The following ARRDC3 variants were observed in gnomAD, a reference collection of about 807,000 sequenced individuals.
The protein encoded by ARRDC3 is arrestin domain containing 3.
Under a neutral mutation model 47.2 loss-of-function variants are expected in ARRDC3, and 10 were observed. The observed-to-expected ratio is 0.21, with a 90% CI of 0.13 to 0.36. ARRDC3 has a LOEUF of 0.36. ARRDC3 is among the 10% of genes least tolerant of loss of function. The pLI is 1.00. For synonymous variants in ARRDC3, 156 were observed against 178.3 expected (o/e 0.87, Z 1.00); for missense variants, 381 against 503.6 (o/e 0.76, Z 2.33).
In ARRDC3 at chr5:91,375,002, T is replaced by A. The variant is rs770245518; in HGVS notation, c.790A>T (p.Asn264Tyr). The change falls in exon 5 of 8, where the codon AAT becomes TAT. Residue 264 changes from asparagine (N) to tyrosine (Y), a missense_variant. Transcript: ENST00000265138. ...GGTGGAATTTTCAGCAACTTGCCAT[T>A]CCACGTCTCTGTCTTTCCAGATGAT... is the stretch of plus-strand genomic sequence containing the variant. Reference protein sequence around the residue: ...SLSSGKTETWNGKLLKIPPVS... With the variant: ...SLSSGKTETWYGKLLKIPPVS... 1.2e-6 allele frequency: 2 copies of A among 1,614,198 alleles called. No homozygotes were observed. The highest frequency in any genetic ancestry group is 1.7e-6 in the Non-Finnish European group (2 of 1,180,004).
Position 91,374,220 on chromosome 5 carries a change from G to A in ARRDC3, c.927C>T (p.Ile309=), listed in dbSNP as rs1302696697. The A allele has an allele frequency of 2.0e-5, 33 of 1,613,664 alleles. No individual in the cohort carries two copies. The highest frequency in any genetic ancestry group is 1.3e-4 in the East Asian group (6 of 44,848). ...CAAATGGATGTAGAGGAATGGTACCGATGACAAGTGGCAAATTAAGAAATA... is the reference window on the plus strand; with the variant it reads ...CAAATGGATGTAGAGGAATGGTACCAATGACAAGTGGCAAATTAAGAAATA... ...MDLFLNLPLV[I]GTIPLHPFGS... The change falls in exon 6 of 8, where the codon ATC becomes ATT. Residue 309 remains isoleucine (I), a synonymous_variant. Coordinates refer to ENST00000265138, the MANE Select transcript of ARRDC3 (RefSeq NM_020801.4).
rs1799244408 is a variant in ARRDC3, at chr5:91,374,110, T to G, written c.1033+4A>C. 6.2e-7 allele frequency: 1 copy of G among 1,609,930 alleles called. No individual in the cohort carries two copies. Among genetic ancestry groups the G allele is most frequent in the Non-Finnish European group, 8.5e-7 (1 of 1,178,680 alleles). On this transcript the variant is annotated splice_donor_region_variant and intron_variant, in intron 6 of 7. Coordinates refer to ENST00000265138, the MANE Select transcript of ARRDC3 (RefSeq NM_020801.4). The stretch of plus-strand genomic sequence containing the variant: ...TTAAGCTTAGACGTGTATTATCAAA[T>G]TACCTTCAGGTCTTTCAGGAAGTGA...
intron 2 of ARRDC3, 53 bp downstream of exon 2, chr5:91,378,641 T>G (rs1799361908): frequency 4.9e-6 from 5 of 1,020,794 alleles, no homozygotes; most frequent in Non-Finnish European, 5.8e-6. Flanking sequence ...AATTTTAAAA[T>G]AATGCTCTGA....
intron 1 of ARRDC3, chr5:91,380,929 G>C (rs1052791900): frequency 2.6e-5 from 4 of 152,308 alleles, no homozygotes; most frequent in African/African-American, 7.2e-5. Context: ...ACAAACGTGA[G>C]TACGGGCTGG....
intron 3 of ARRDC3, 136 bp from the exon 4 acceptor site, chr5:91,375,749 C>T: frequency 2.1e-6 from 1 of 478,158 alleles, no homozygotes; most frequent in East Asian, 3.3e-5. Flanking sequence ...TGTATCCAGA[C>T]ATACTTCTTA....
At chr5:91,374,060 T>A in intron 6 of ARRDC3, 54 bp downstream of exon 6, 2 of 1,558,960 alleles carry the variant, frequency 1.3e-6, no homozygotes, top group Non-Finnish European at 1.7e-6. Context: ...GGCAAAATAA[T>A]TTTCTTGATA....
At chr5:91,378,568 A>G in intron 2 of ARRDC3, 126 bp downstream of exon 2, 2 of 613,994 alleles carry the variant, frequency 3.3e-6, no homozygotes, top group Non-Finnish European at 5.6e-6. Context: ...GTTTTCCTCT[A>G]GCAAGTTTCA....
Position 91,383,316 on chromosome 5 carries a change from A to G in ARRDC3, c.-224T>C, listed in dbSNP as rs1799490930. On this transcript the variant is annotated 5_prime_UTR_variant, in exon 1 of 8. Transcript: ENST00000265138. ...TCGTCTCAGTGGTCTCCTTACAAAGACGGGCGGCTAAAAGCTGCCAGCTCA... is the reference window on the plus strand; with the variant it reads ...TCGTCTCAGTGGTCTCCTTACAAAGGCGGGCGGCTAAAAGCTGCCAGCTCA... 1.3e-5 allele frequency: 6 copies of G among 449,484 alleles called. No individual in the cohort carries two copies. In the East Asian group the frequency reaches 1.8e-4, roughly 14 times the overall value. 27.8% of individuals were successfully genotyped at this position (449,484 alleles called of 1,614,324 possible).
chr5:91,374,759 ACCTG>A (rs1373763811), intron 5 of ARRDC3, among the ~76,000 whole-genome samples, 159 bp downstream of exon 5: 2 of 152,130 alleles, frequency 1.3e-5, no homozygotes, highest in African/African-American at 4.8e-5. Context: ...CTATAGGCAC[ACCTG>A]TAGTCCCAAC....
intron 2 of ARRDC3, among the ~76,000 whole-genome samples, chr5:91,377,409 T>C (rs1273364331): frequency 2.6e-5 from 4 of 151,796 alleles, no homozygotes; most frequent in African/African-American, 9.7e-5. Flanking sequence ...GTCAAGAGAA[T>C]AAAAAAAAAT....
intron 1 of ARRDC3, chr5:91,380,342 C>T (rs2127076641): frequency 6.5e-6 from 1 of 153,110 alleles, no homozygotes; most frequent in Non-Finnish European, 1.5e-5. Flanking sequence ...AGCCGCGGCG[C>T]TTCCGCTTTA....
At chr5:91,373,899 G>A (rs748973986) in intron 6 of ARRDC3, 61 bp from the exon 7 acceptor site, 34 of 1,595,096 alleles carry the variant, frequency 2.1e-5, no homozygotes, top group Non-Finnish European at 2.7e-5. Flanking sequence ...AAAATACACA[G>A]AATAGTAGGT....
Position 91,369,637 on chromosome 5 carries a change from C to T in ARRDC3, c.*1763G>A, listed in dbSNP as rs1390601108. ...AGCCAGAGCTACTATTATTTTCAGC[C>T]ACTTTATTAACTGTGGGGTTAAATG... On this transcript the variant is annotated 3_prime_UTR_variant, in exon 8 of 8. Transcript: ENST00000265138. 2 of 152,330 alleles carry T rather than the reference C, an allele frequency of 1.3e-5. No individual in the cohort carries two copies. The highest frequency in any genetic ancestry group is 2.9e-5 in the Non-Finnish European group (2 of 67,990). 9.4% of individuals were successfully genotyped at this position (152,330 alleles called of 1,614,324 possible).
In ARRDC3 at chr5:91,383,056, A is replaced by C; in HGVS notation, c.37T>G (p.Phe13Val). 1 of 1,613,200 alleles carries C rather than the reference A, an allele frequency of 6.2e-7. No individual in the cohort carries two copies. Among genetic ancestry groups the C allele is most frequent in the Admixed American group, 1.7e-5 (1 of 59,878 alleles). ...LGKVKSLTISFDCLNDSNVPV... is the reference protein window; with the variant it reads ...LGKVKSLTISVDCLNDSNVPV... ...ACATTGCTGTCATTAAGACAGTCAA[A>C]GCTTATTGTCAAACTCTTCACCTTT... Residue 13 changes from phenylalanine to valine, a missense_variant, in exon 1 of 8, where the codon TTT becomes GTT. By Grantham distance (50) the Phe-to-Val change is conservative. Coordinates refer to ENST00000265138, the MANE Select transcript of ARRDC3 (RefSeq NM_020801.4).
chr5:91,383,249 T>A lies in ARRDC3; in HGVS notation c.-157A>T. On this transcript the variant is annotated 5_prime_UTR_variant, in exon 1 of 8. Coordinates refer to ENST00000265138, the MANE Select transcript of ARRDC3 (RefSeq NM_020801.4). ...CTACAAATAGTTCATTGAGATTTCT[T>A]AAAAAGTCAGGGCAGCAGAGGCTGC... 2 of 724,866 alleles carry A rather than the reference T, an allele frequency of 2.8e-6. No individual in the cohort carries two copies. The highest frequency in any genetic ancestry group is 4.3e-6 in the Non-Finnish European group (2 of 464,494). 44.9% of individuals were successfully genotyped at this position (724,866 alleles called of 1,614,324 possible).
At chr5:91,377,156 T>C (rs535616177) in intron 2 of ARRDC3, among the ~76,000 whole-genome samples, 1 of 152,214 alleles carries the variant, frequency 6.6e-6, no homozygotes, top group Non-Finnish European at 1.5e-5. Context: ...GGTTAAACAT[T>C]CAGACCAAAT....
rs1361843296 is a variant in ARRDC3 at position 91,370,968 on chromosome 5, A to T, written c.*432T>A. ...TGTTTTGTTCCTTGTTGTGCTGACC[A>T]CAAACAAGTTTTAAGAGTATCAAGA... On this transcript the variant is annotated 3_prime_UTR_variant, in exon 8 of 8. Transcript: ENST00000265138. The T allele has an allele frequency of 6.5e-6, 1 of 154,914 alleles. No individual in the cohort carries two copies. Among genetic ancestry groups the T allele is most frequent in the African/African-American group, 2.4e-5 (1 of 41,060 alleles). 9.6% of individuals were successfully genotyped at this position (154,914 alleles called of 1,614,324 possible).
chr5:91,374,305 A>G, intron 5 of ARRDC3, 29 bp from the exon 6 acceptor site: 1 of 1,579,562 alleles, frequency 6.3e-7, no homozygotes, highest in South Asian at 1.1e-5. Context: ...TATTAAGTTT[A>G]GAATGCCAAG....
intron 1 of ARRDC3, among the ~76,000 whole-genome samples, chr5:91,382,577 C>T (rs374563829): frequency 1.3e-5 from 2 of 152,170 alleles, no homozygotes; most frequent in African/African-American, 4.8e-5. Flanking sequence ...TGGCACAGAC[C>T]GAGCCGGGTA....
Sources: allele counts gnomAD v4.1 joint callset (sites outside exome capture counted in the v4.1 genomes callset), GRCh38; gene constraint gnomAD v4.1.1; transcripts MANE v1.5; gene names NCBI Gene and HGNC (gene_info 2026-07-23, HGNC 2026-07-21).